TCEA1: variants seen among roughly 807,000 people sequenced by gnomAD.
TCEA1 encodes the protein transcription elongation factor A protein 1.
Under a neutral mutation model 43.8 loss-of-function variants are expected in TCEA1, and 21 were observed. The observed-to-expected ratio is 0.48, with a 90% confidence interval of 0.34 to 0.69. The LOEUF (loss-of-function observed/expected upper bound fraction) is 0.69, where lower values mean the gene tolerates loss of function less well. Ranked by LOEUF, TCEA1 falls within the 30% of genes least tolerant of loss-of-function variation. The pLI is 0.01. For synonymous variants in TCEA1, 104 were observed against 117.5 expected, an observed-to-expected ratio of 0.88 and a Z score of 0.75; for missense variants, 250 against 365.1, an observed-to-expected ratio of 0.68 and a Z score of 2.57.
chr8:53,977,889 G>A lies in TCEA1; in HGVS notation c.825+1136C>T, dbSNP rs180811026. ...ACTCATAAGCCATGTGGAGGAGCGTGAAGAACTTTCCTTAAATTATATAGT... is the reference window on the plus strand; with the variant it reads ...ACTCATAAGCCATGTGGAGGAGCGTAAAGAACTTTCCTTAAATTATATAGT... On this transcript the variant is annotated intron_variant, in intron 8 of 9. Transcript: ENST00000521604. Among the ~76,000 whole-genome samples the A allele has an allele frequency of 5.5e-3, 841 of 152,304 alleles. 4 individuals carry two copies. The highest frequency in any genetic ancestry group is 7.7e-3 in the Non-Finnish European group (522 of 68,030).
At chr8:53,993,372 C>G (rs1340664325) in intron 4 of TCEA1, 1 of 212,290 alleles carries the variant, frequency 4.7e-6, no homozygotes, top group African/African-American at 2.3e-5. Flanking sequence ...ATTTGAATCC[C>G]TAATCACTAC....
intron 8 of TCEA1, among the ~76,000 whole-genome samples, chr8:53,970,777 G>T (rs114653150): frequency 6.6e-6 from 1 of 151,876 alleles, no homozygotes; most frequent in African/African-American, 2.4e-5. Context: ...AAGTTATTTC[G>T]AATAAGGATC....
At chr8:54,001,664 G>C (rs1804267493) in intron 2 of TCEA1, among the ~76,000 whole-genome samples, 1 of 152,190 alleles carries the variant, frequency 6.6e-6, no homozygotes. Flanking sequence ...GGGGCTTGCA[G>C]GAGAGCAAAG....
At chr8:53,969,491 A>G (rs1563456781) in intron 9 of TCEA1, among the ~76,000 whole-genome samples, 1 of 152,112 alleles carries the variant, frequency 6.6e-6, no homozygotes, top group Non-Finnish European at 1.5e-5. Flanking sequence ...CTATGTAAGT[A>G]TAAATGAAAA....
chr8:53,968,003 A>G lies in TCEA1; in HGVS notation c.*101T>C. The G allele has an allele frequency of 8.8e-7, 1 of 1,142,638 alleles. No homozygotes were observed. The highest frequency in any genetic ancestry group is 2.6e-5 in the East Asian group (1 of 38,514). 70.8% of individuals were successfully genotyped at this position (1,142,638 alleles called of 1,614,324 possible). ...AACAAAGTCTAACCCAAGTTGCTTT[A>G]AAAATTTGATTTGCAGGAAAACTAG... On this transcript the variant is annotated 3_prime_UTR_variant, in exon 10 of 10. Transcript: ENST00000521604.
At chr8:54,021,262 T>A (rs1463881104) in intron 1 of TCEA1, among the ~76,000 whole-genome samples, 1 of 152,194 alleles carries the variant, frequency 6.6e-6, no homozygotes, top group Non-Finnish European at 1.5e-5. Flanking sequence ...ATGGGCAAGC[T>A]GTAGAAACTG....
At chr8:53,997,364 T>TA (rs1383790985) in intron 3 of TCEA1, among the ~76,000 whole-genome samples, 4 of 152,176 alleles carry the variant, frequency 2.6e-5, no homozygotes, top group African/African-American at 7.2e-5. Context: ...TGTTAAGGTG[T>TA]AAGACAGTTT....
At chr8:54,000,757 G>A (rs1472908460) in intron 2 of TCEA1, among the ~76,000 whole-genome samples, 1 of 136,752 alleles carries the variant, frequency 7.3e-6, no homozygotes. Context: ...GCAAAGCTGG[G>A]ATTTTTTTTT....
intron 8 of TCEA1, among the ~76,000 whole-genome samples, chr8:53,977,645 C>G (rs1803373008): frequency 6.6e-6 from 1 of 151,914 alleles, no homozygotes; most frequent in African/African-American, 2.4e-5. Flanking sequence ...AGGAGACAAT[C>G]TTGAGTTTAC....
At chr8:53,977,627 G>A (rs757163895) in intron 8 of TCEA1, among the ~76,000 whole-genome samples, 1 of 151,978 alleles carries the variant, frequency 6.6e-6, no homozygotes, top group Non-Finnish European at 1.5e-5. Context: ...ATAGTAAGTT[G>A]TCCCTTAAGG....
chr8:53,968,685 A>G (rs1452613497), intron 9 of TCEA1, among the ~76,000 whole-genome samples: 1 of 151,944 alleles, frequency 6.6e-6, no homozygotes, highest in African/African-American at 2.4e-5. Context: ...CTACTAAAAT[A>G]CAAAAAATTA....
chr8:53,987,128 C>T lies in TCEA1; in HGVS notation c.467-103G>A, dbSNP rs544282780. 41 of 970,590 alleles carry T rather than the reference C, an allele frequency of 4.2e-5. No individual in the cohort carries two copies. The South Asian group carries it at 6.2e-4, about 15-fold the overall frequency. The allele number at this position is 970,590 out of a possible 1,614,324, so 60.1% of individuals were successfully genotyped here. ...ATTCCTATTTCTTAAACCCCATTTG[C>T]CTGACATAAAGAAACCGTTCAGTTT... On this transcript the variant is annotated intron_variant, in intron 5 of 9. Coordinates refer to ENST00000521604, the MANE Select transcript of TCEA1 (RefSeq NM_006756.4).
At chr8:54,008,558 G>T (rs1014259462) in intron 2 of TCEA1, among the ~76,000 whole-genome samples, 1 of 151,790 alleles carries the variant, frequency 6.6e-6, no homozygotes, top group Non-Finnish European at 1.5e-5. Context: ...TAAGGGACGG[G>T]AGGGGCTGAG....
intron 2 of TCEA1, 62 bp downstream of exon 2, chr8:54,010,368 G>C (rs1586033829): frequency 8.2e-7 from 1 of 1,214,408 alleles, no homozygotes; most frequent in East Asian, 2.5e-5. Flanking sequence ...TGGTACTGAA[G>C]ATGTTTTGGT....
intron 9 of TCEA1, chr8:53,970,117 A>G: frequency 2.5e-6 from 1 of 394,294 alleles, no homozygotes; most frequent in Non-Finnish European, 4.6e-6. Context: ...AATATAGTAT[A>G]AATAGGACAG....
At chr8:53,999,673 C>A in intron 3 of TCEA1, 1 of 367,698 alleles carries the variant, frequency 2.7e-6, no homozygotes, top group Admixed American at 4.5e-5. Context: ...AAAAGGTATC[C>A]ACAACCTTTC....
intron 2 of TCEA1, among the ~76,000 whole-genome samples, chr8:54,008,738 A>G (rs1015232731): frequency 4.6e-5 from 7 of 152,062 alleles, no homozygotes; most frequent in Admixed American, 2.0e-4. Flanking sequence ...GTCAACAGGT[A>G]TAAGAAAAAA....
chr8:53,993,634 T>G lies in TCEA1; in HGVS notation c.320+34A>C, dbSNP rs774878887. The G allele has an allele frequency of 1.4e-5, 21 of 1,537,866 alleles. No homozygotes were observed. The Admixed American group carries it at 3.9e-4, about 29-fold the overall frequency. Reference sequence around the variant, plus strand: ...TGATGCAGGAAGTAAAACTATGACTTTCAATATAAATATATGTCTATACTG... The same window carrying G: ...TGATGCAGGAAGTAAAACTATGACTGTCAATATAAATATATGTCTATACTG... On this transcript the variant is annotated intron_variant, in intron 4 of 9. Transcript: ENST00000521604.
chr8:53,992,255 T>G (rs2129305536), intron 4 of TCEA1, among the ~76,000 whole-genome samples: 1 of 151,782 alleles, frequency 6.6e-6, no homozygotes, highest in Non-Finnish European at 1.5e-5. Context: ...GAGGTGGCAG[T>G]GAGTCGAGAT....
Sources: allele counts gnomAD v4.1 joint callset (sites outside exome capture counted in the v4.1 genomes callset), GRCh38; gene constraint gnomAD v4.1.1; transcripts MANE v1.5; gene names NCBI Gene and HGNC (gene_info 2026-07-23, HGNC 2026-07-21).